The following BMPER variants were observed in gnomAD, a reference collection of about 807,000 sequenced individuals.
BMPER encodes the protein BMP-binding endothelial regulator protein.
A neutral mutation model predicts 87.3 loss-of-function variants in BMPER; 45 were observed. The ratio of observed to expected loss-of-function variants is 0.52; its 90% CI spans 0.41 to 0.66. The LOEUF (loss-of-function observed/expected upper bound fraction) is 0.66. BMPER is among the 30% of genes least tolerant of loss of function. The pLI is 0.00. For missense variants in BMPER, 784 were observed against 867.5 expected, an observed-to-expected ratio of 0.90 and a Z score of 1.21; for synonymous variants, 326 against 316.2, an observed-to-expected ratio of 1.03 and a Z score of -0.33.
chr7:33,949,601 G>GC (rs572049204), intron 3 of BMPER, among the ~76,000 whole-genome samples: 1 of 146,442 alleles, frequency 6.8e-6, no homozygotes, highest in Non-Finnish European at 1.5e-5. Flanking sequence ...GTGCCACTGT[G>GC]TTTTTTTTTT....
intron 6 of BMPER, among the ~76,000 whole-genome samples, chr7:34,003,049 T>G (rs1786627098): frequency 6.6e-6 from 1 of 151,812 alleles, no homozygotes; most frequent in Non-Finnish European, 1.5e-5. Flanking sequence ...TATCTGATGT[T>G]TTGCTGGTTT....
At chr7:34,007,309 T>A (rs1320287243) in intron 6 of BMPER, among the ~76,000 whole-genome samples, 1 of 152,104 alleles carries the variant, frequency 6.6e-6, no homozygotes, top group South Asian at 2.1e-4. Flanking sequence ...CATATTGTAT[T>A]AAAATCAAAA....
chr7:34,074,835 C>A (rs1788821403), intron 11 of BMPER, among the ~76,000 whole-genome samples: 1 of 152,186 alleles, frequency 6.6e-6, no homozygotes, highest in Admixed American at 6.5e-5. Context: ...AATCAAATTT[C>A]ATGTACAGAA....
chr7:33,985,453 T>A (rs1247960344), intron 6 of BMPER, among the ~76,000 whole-genome samples: 1 of 152,206 alleles, frequency 6.6e-6, no homozygotes, highest in Non-Finnish European at 1.5e-5. Context: ...TTGAATAATG[T>A]GACAGATATC....
intron 2 of BMPER, among the ~76,000 whole-genome samples, chr7:33,931,020 TG>T (rs1784467054): frequency 6.6e-6 from 1 of 152,176 alleles, no homozygotes; most frequent in South Asian, 2.1e-4. Flanking sequence ...TTTCAGCTTT[TG>T]TTTCCGTCTC....
At chr7:34,107,695 G>C (rs1333379190) in intron 13 of BMPER, among the ~76,000 whole-genome samples, 1 of 152,122 alleles carries the variant, frequency 6.6e-6, no homozygotes, top group Non-Finnish European at 1.5e-5. Flanking sequence ...TCTCCAATGA[G>C]ACTGCTTTTT....
chr7:34,029,720 A>G (rs979163906), intron 6 of BMPER, among the ~76,000 whole-genome samples: 1 of 152,088 alleles, frequency 6.6e-6, no homozygotes, highest in Non-Finnish European at 1.5e-5. Flanking sequence ...GAGCAGGACT[A>G]AGGGGCAAAG....
chr7:33,922,775 G>A (rs1056841127), intron 2 of BMPER, among the ~76,000 whole-genome samples: 2 of 152,294 alleles, frequency 1.3e-5, no homozygotes, highest in Non-Finnish European at 2.9e-5. Context: ...TAGCTAACGG[G>A]CTAGCTTGGA....
At chr7:34,028,711 T>C (rs1190319080) in intron 6 of BMPER, among the ~76,000 whole-genome samples, 1 of 148,374 alleles carries the variant, frequency 6.7e-6, no homozygotes, top group African/African-American at 2.5e-5. Context: ...GTCCTCAATC[T>C]TGATGCTTCC....
intron 3 of BMPER, chr7:33,940,160 T>C (rs542975740): frequency 6.1e-6 from 1 of 162,988 alleles, no homozygotes; most frequent in East Asian, 1.6e-4. Flanking sequence ...GATATATTTA[T>C]TTCTGTATTT....
At chr7:33,961,046 C>T (rs182607400) in intron 3 of BMPER, among the ~76,000 whole-genome samples, 6 of 152,146 alleles carry the variant, frequency 3.9e-5, no homozygotes, top group African/African-American at 9.6e-5. Context: ...CCTAGGTTTC[C>T]TTGTGGGGTA....
At chr7:34,002,472 TTA>T (rs1786607575) in intron 6 of BMPER, among the ~76,000 whole-genome samples, 1 of 151,822 alleles carries the variant, frequency 6.6e-6, no homozygotes, top group African/African-American at 2.4e-5. Flanking sequence ...GATTTTCAAC[TTA>T]TGATTGCTTT....
At chr7:34,106,371 C>CTT (rs770988413) in intron 13 of BMPER, among the ~76,000 whole-genome samples, 8 of 152,186 alleles carry the variant, frequency 5.3e-5, no homozygotes, top group Non-Finnish European at 1.2e-4. Flanking sequence ...ACTTCCCTGA[C>CTT]TTTCCTTGTC....
intron 13 of BMPER, among the ~76,000 whole-genome samples, chr7:34,110,468 G>A (rs996566296): frequency 3.3e-5 from 5 of 152,180 alleles, no homozygotes; most frequent in Admixed American, 6.5e-5. Flanking sequence ...CCTCCAGAGG[G>A]TTCAGGAAAG....
intron 13 of BMPER, among the ~76,000 whole-genome samples, chr7:34,128,322 T>G (rs1328680215): frequency 6.6e-6 from 1 of 152,174 alleles, no homozygotes; most frequent in East Asian, 1.9e-4. Flanking sequence ...TTGAACTCCC[T>G]TGGTAATGCT....
intron 2 of BMPER, among the ~76,000 whole-genome samples, chr7:33,929,116 G>C (rs926987683): frequency 1.3e-5 from 2 of 152,174 alleles, no homozygotes; most frequent in African/African-American, 4.8e-5. Context: ...TTTGTTCAGA[G>C]TTTGCACTGT....
chr7:34,153,346 G>A lies in BMPER; in HGVS notation c.*73G>A, dbSNP rs935425057. 44 of 1,534,162 alleles carry A rather than the reference G, an allele frequency of 2.9e-5. No individual in the cohort carries two copies. In the African/African-American group the frequency reaches 4.4e-4, roughly 15 times the overall value. On this transcript the variant is annotated 3_prime_UTR_variant, in exon 15 of 15. Transcript: ENST00000649409. ...GAAGCGGAAGAGCCAATGAAGGACT[G>A]CAGTATTTGTGTGCCCGATTCTGTA...
chr7:34,024,448 A>G (rs1217692164), intron 6 of BMPER, among the ~76,000 whole-genome samples: 8 of 79,640 alleles, frequency 1.0e-4, no homozygotes, highest in African/African-American at 2.9e-4. Flanking sequence ...GGGGAGGGGT[A>G]TGGTAAAAAA....
In BMPER at chr7:34,085,741, C is replaced by G. The variant is rs1789181727; in HGVS notation, c.1409-15C>G. 6.2e-7 allele frequency: 1 copy of G among 1,601,072 alleles called. No individual in the cohort carries two copies. The highest frequency in any genetic ancestry group is 1.3e-5 in the African/African-American group (1 of 74,664). On this transcript the variant is annotated splice_polypyrimidine_tract_variant and intron_variant, in intron 12 of 14. Transcript: ENST00000649409. The stretch of plus-strand genomic sequence containing the variant: ...AATGAGTGATTGATTTCCTTTTCCT[C>G]TCCTCCTCCTCTAGGTTTGGAAATA...
Sources: gnomAD v4.1 joint callset for allele counts (sites outside exome capture counted in the v4.1 genomes callset) on GRCh38, gnomAD v4.1.1 for gene constraint, MANE v1.5 for transcripts, NCBI Gene and HGNC (gene_info 2026-07-23, HGNC 2026-07-21) for gene names.